DBF4B: variants seen among roughly 807,000 people sequenced by gnomAD.
DBF4B encodes DBF4B-CDC7 kinase regulatory subunit, also known as protein DBF4 homolog B.
A neutral mutation model predicts 53.4 loss-of-function variants in DBF4B; 49 were observed. The observed-to-expected ratio is 0.92, with a 90% CI of 0.73 to 1.16. The LOEUF is 1.16. Among genes scored for constraint, DBF4B ranks in the 50% most tolerant of loss-of-function variants. DBF4B has a pLI of 0.00. For missense variants in DBF4B, 692 were observed against 775.0 expected, an observed-to-expected ratio of 0.89 and a Z score of 1.27; for synonymous variants, 257 against 288.7, an observed-to-expected ratio of 0.89 and a Z score of 1.11.
chr17:44,750,439 A>G (rs1170688129), intron 13 of DBF4B, 156 bp from the exon 14 acceptor site: 1 of 985,310 alleles, frequency 1.0e-6, no homozygotes, highest in Non-Finnish European at 1.2e-6. Flanking sequence ...AAATAGAGCA[A>G]CTATGTGTAC....
chr17:44,727,566 A>G (rs1974466718), intron 3 of DBF4B, among the ~76,000 whole-genome samples: 1 of 152,212 alleles, frequency 6.6e-6, no homozygotes, highest in East Asian at 1.9e-4. Flanking sequence ...AGTGGTGAGG[A>G]TGGATAGAAT....
intron 3 of DBF4B, among the ~76,000 whole-genome samples, chr17:44,725,563 C>T (rs577046332): frequency 2.0e-5 from 3 of 152,152 alleles, no homozygotes; most frequent in Admixed American, 2.0e-4. Context: ...AAAGGAAACC[C>T]TGTACCCATT....
intron 2 of DBF4B, chr17:44,720,401 C>A: frequency 4.5e-6 from 1 of 223,578 alleles, no homozygotes; most frequent in South Asian, 7.2e-5. Flanking sequence ...TGGACGTGGT[C>A]TTTCTGGAAT....
In DBF4B at chr17:44,748,939, G is replaced by A. The variant is rs572535666; in HGVS notation, c.1189+474G>A. ...AGACCCCTTCCCCTGGCAGCCCACA[G>A]ACAGACCAGCAGAGTTCTGGGCCAC... On this transcript the variant is annotated intron_variant, in intron 13 of 13. Transcript: ENST00000315005. 120 of 1,289,964 alleles carry A rather than the reference G, an allele frequency of 9.3e-5. No homozygotes were observed. In the South Asian group the frequency reaches 1.4e-3, roughly 15 times the overall value. The allele number at this position is 1,289,964 out of a possible 1,614,324, so 79.9% of individuals were successfully genotyped here. A position where few individuals can be genotyped will look rare whatever the true frequency, so the allele number is the denominator to read the frequency against.
At chr17:44,736,723 G>A (rs1177018137) in intron 7 of DBF4B, 107 bp from the exon 8 acceptor site, 4 of 1,263,074 alleles carry the variant, frequency 3.2e-6, no homozygotes, top group Non-Finnish European at 4.6e-6. Context: ...CCTCTCAACA[G>A]CAGGAAGCAA....
chr17:44,746,756 T>C (rs1054602686), intron 10 of DBF4B, among the ~76,000 whole-genome samples: 2 of 151,270 alleles, frequency 1.3e-5, no homozygotes, highest in African/African-American at 4.9e-5. Flanking sequence ...GAGGTGAAGA[T>C]TGCAGTGAGC....
In DBF4B at chr17:44,725,116, CAAAAAAAAAAAA is replaced by C. The variant is rs57821218; in HGVS notation, c.225+2106_225+2117del. The stretch of plus-strand genomic sequence containing the variant: ...GGGCAACAAGAGCAAGACTCCATCT[CAAAAAAAAAAAA>C]AAAAAAAAAAACATTAGCTGGGGGC... On this transcript the variant is annotated intron_variant, in intron 3 of 13. Transcript: ENST00000315005. 1.3e-4 allele frequency among the ~76,000 whole-genome samples: 6 copies of C among 47,600 alleles called. No homozygotes were observed. In the South Asian group the frequency reaches 2.3e-3, roughly 18 times the overall value. 31.2% of individuals were successfully genotyped at this position (47,600 alleles called of 152,430 possible). A position where few individuals can be genotyped will look rare whatever the true frequency, so the allele number is the denominator to read the frequency against.
At chr17:44,733,962 G>A in intron 6 of DBF4B, 128 bp from the exon 7 acceptor site, 1 of 722,876 alleles carries the variant, frequency 1.4e-6, no homozygotes, top group Non-Finnish European at 2.4e-6. Flanking sequence ...TAGCCAGAAG[G>A]TGGCAGGCAA....
chr17:44,716,645 G>A (rs1416853423), intron 2 of DBF4B, among the ~76,000 whole-genome samples: 1 of 152,154 alleles, frequency 6.6e-6, no homozygotes, highest in Non-Finnish European at 1.5e-5. Context: ...AGTTGTGCCA[G>A]CCAAAAACAT....
chr17:44,713,204 T>C (rs1025873902), intron 2 of DBF4B, among the ~76,000 whole-genome samples: 4 of 150,486 alleles, frequency 2.7e-5, no homozygotes, highest in African/African-American at 9.7e-5. Context: ...CAGGCCCGGC[T>C]AATTTTTTGG....
chr17:44,709,412 A>G (rs1485881839), intron 2 of DBF4B, 46 bp downstream of exon 2: 4 of 1,609,028 alleles, frequency 2.5e-6, no homozygotes, highest in Non-Finnish European at 3.4e-6. Context: ...AAATTGCCCC[A>G]GGGTCTCTTG....
At chr17:44,736,089 C>T (rs1975398982) in intron 7 of DBF4B, among the ~76,000 whole-genome samples, 1 of 152,020 alleles carries the variant, frequency 6.6e-6, no homozygotes, top group South Asian at 2.1e-4. Context: ...TCAAACCATC[C>T]TCCCACCTCA....
At chr17:44,722,032 G>T (rs1973895733) in intron 2 of DBF4B, among the ~76,000 whole-genome samples, 2 of 152,046 alleles carry the variant, frequency 1.3e-5, no homozygotes, top group Admixed American at 6.6e-5. Flanking sequence ...TACTGGGGAG[G>T]CTGAGGCAAG....
chr17:44,724,009 G>A (rs150354295), intron 3 of DBF4B, among the ~76,000 whole-genome samples: 219 of 152,254 alleles, frequency 1.4e-3, no homozygotes, highest in African/African-American at 4.8e-3. Flanking sequence ...GCTGAGGTAG[G>A]AGGATCACTT....
At chr17:44,741,296 T>A (rs760232313) in intron 9 of DBF4B, 40 bp from the exon 10 acceptor site, 1 of 1,489,908 alleles carries the variant, frequency 6.7e-7, no homozygotes, top group East Asian at 2.3e-5. Context: ...AGCCTTTACC[T>A]TCCCCATTGT....
intron 2 of DBF4B, among the ~76,000 whole-genome samples, chr17:44,710,164 C>G (rs764423824): frequency 3.3e-5 from 5 of 151,816 alleles, no homozygotes; most frequent in Non-Finnish European, 7.4e-5. Context: ...CCGAGCGAGA[C>G]TCCGTCTCAA....
At position 44,715,875 on chromosome 17, in the gene DBF4B, T is replaced by C. The variant is rs542369119; in HGVS notation, c.82+6509T>C. Among the ~76,000 whole-genome samples, 3 of 130,148 alleles carry C rather than the reference T, an allele frequency of 2.3e-5. No homozygotes were observed. In the South Asian group the frequency reaches 7.6e-4, roughly 33 times the overall value. 85.4% of individuals were successfully genotyped at this position (130,148 alleles called of 152,430 possible). On this transcript the variant is annotated intron_variant, in intron 2 of 13. Transcript: ENST00000315005. ...TCTTGCTCTGTCTCCCAGGCTGGAG[T>C]GCAATGGCGCGATCTCAGCTCAATG... is the stretch of plus-strand genomic sequence containing the variant.
chr17:44,721,224 C>T (rs569358363), intron 2 of DBF4B, among the ~76,000 whole-genome samples: 2 of 134,018 alleles, frequency 1.5e-5, no homozygotes, highest in Non-Finnish European at 3.2e-5. Context: ...CTTCCCCCCC[C>T]CTCCCCTTTT....
chr17:44,736,716 C>T, intron 7 of DBF4B, 114 bp from the exon 8 acceptor site: 1 of 1,188,452 alleles, frequency 8.4e-7, no homozygotes, highest in Non-Finnish European at 1.2e-6. Flanking sequence ...CTGCAGGCCT[C>T]TCAACAGCAG....
Sources: allele counts gnomAD v4.1 joint callset (sites outside exome capture counted in the v4.1 genomes callset), GRCh38; gene constraint gnomAD v4.1.1; transcripts MANE v1.5; gene names NCBI Gene and HGNC (gene_info 2026-07-23, HGNC 2026-07-21).